PPFIA4: variants seen among roughly 807,000 people sequenced by gnomAD.
PPFIA4 encodes PPFI scaffold protein A4.
PPFIA4 carries 98 observed loss-of-function variants against 145.7 expected under a neutral mutation model. The ratio of observed to expected loss-of-function variants is 0.67; its 90% CI spans 0.57 to 0.80. PPFIA4 has a LOEUF of 0.80. Ranked by LOEUF, PPFIA4 falls within the 30% of genes least tolerant of loss-of-function variation. The pLI is 0.00. For missense variants in PPFIA4, 1,457 were observed against 1,632.7 expected, an observed-to-expected ratio of 0.89 and a Z score of 1.85; for synonymous variants, 628 against 649.6, an observed-to-expected ratio of 0.97 and a Z score of 0.51.
chr1:203,071,695 C>G lies in PPFIA4; in HGVS notation c.3328C>G (p.Arg1110Gly), dbSNP rs1294794323. 1 of 1,611,014 alleles carries G rather than the reference C, an allele frequency of 6.2e-7. No homozygotes were observed. Among genetic ancestry groups the G allele is most frequent in the South Asian group, 1.1e-5 (1 of 90,574 alleles). The part of the protein sequence containing the change: ...LQIPTQNTQA[R>G]QVMEREFNNL... ...TCTCCTGCTCTATGGACTGCAGGCACGCCAAGTGATGGAAAGAGAGTTCAA... is the reference window on the plus strand; with the variant it reads ...TCTCCTGCTCTATGGACTGCAGGCAGGCCAAGTGATGGAAAGAGAGTTCAA... Residue 1110 changes from arginine (R) to glycine (G), a missense_variant, in exon 28 of 30, where the codon CGC becomes GGC. This residue lies in a region of PPFIA4 where 848 missense variants were observed against 1,046.7 expected (regional missense o/e 0.81). Transcript: ENST00000295706.
At chr1:203,049,638 C>G in intron 12 of PPFIA4, 38 bp from the exon 13 acceptor site, 1 of 1,343,536 alleles carries the variant, frequency 7.4e-7, no homozygotes, top group Non-Finnish European at 1.0e-6. Context: ...CCCTCCCTGG[C>G]CCCCACTCCC....
chr1:203,030,785 C>T (rs1658769266), intron 1 of PPFIA4, among the ~76,000 whole-genome samples: 1 of 152,208 alleles, frequency 6.6e-6, no homozygotes, highest in Non-Finnish European at 1.5e-5. Context: ...GCTCTCACAG[C>T]TCCCATGTGC....
chr1:203,046,023 A>C (rs565687829), intron 8 of PPFIA4, 36 bp downstream of exon 8: 1 of 1,611,452 alleles, frequency 6.2e-7, no homozygotes, highest in Non-Finnish European at 8.5e-7. Context: ...TGGGCATTGT[A>C]CTTAGCCCTG....
At chr1:203,041,162 G>GA (rs1486363862) in intron 2 of PPFIA4, among the ~76,000 whole-genome samples, 10 of 152,200 alleles carry the variant, frequency 6.6e-5, no homozygotes, top group Admixed American at 6.5e-4. Flanking sequence ...TTTCCAGGGG[G>GA]AGGGAGTCCA....
chr1:203,075,882 C>T lies in PPFIA4; in HGVS notation c.3574+125C>T. On this transcript the variant is annotated intron_variant, in intron 29 of 29. Transcript: ENST00000295706. This position sits in a 1 kb window ranked among gnomAD's most constrained non-coding sequence, Gnocchi z 4.1. ...GCTGGTGCCCCGCGCTCCTGCGCTGCAGCTGCACTAACGCTCCGCGGGGAG... is the reference window on the plus strand; with the variant it reads ...GCTGGTGCCCCGCGCTCCTGCGCTGTAGCTGCACTAACGCTCCGCGGGGAG... 2 of 984,518 alleles carry T rather than the reference C, an allele frequency of 2.0e-6. No homozygotes were observed. The highest frequency in any genetic ancestry group is 2.8e-6 in the Non-Finnish European group (2 of 723,842). 61.0% of individuals were successfully genotyped at this position (984,518 alleles called of 1,614,324 possible). A position where few individuals can be genotyped will look rare whatever the true frequency, so the allele number is the denominator to read the frequency against.
At chr1:203,072,492 C>CTGTTT (rs1337246716) in intron 28 of PPFIA4, among the ~76,000 whole-genome samples, 3 of 152,214 alleles carry the variant, frequency 2.0e-5, no homozygotes, top group Non-Finnish European at 4.4e-5. Context: ...AAGCATCCTA[C>CTGTTT]TGTTTTGTTT....
intron 4 of PPFIA4, 125 bp from the exon 5 acceptor site, chr1:203,044,254 A>C: frequency 8.6e-7 from 1 of 1,163,972 alleles, no homozygotes; most frequent in South Asian, 1.5e-5. Flanking sequence ...CCCTCCTGCA[A>C]ATGTGCTGCT....
At position 203,056,103 on chromosome 1, in the gene PPFIA4, A is replaced by G. The variant is rs746816990; in HGVS notation, c.2071-17A>G. The G allele has an allele frequency of 3.1e-6, 5 of 1,613,714 alleles. No homozygotes were observed. Among genetic ancestry groups the G allele is most frequent in the Non-Finnish European group, 4.2e-6 (5 of 1,179,820 alleles). ...CCAGAGGGTGAGTCTGAGCTTACCC[A>G]TCCCTCTCTCTTGCAGCCCAGTGAC... On this transcript the variant is annotated splice_polypyrimidine_tract_variant and intron_variant, in intron 16 of 29. Transcript: ENST00000295706.
At chr1:203,070,784 AT>A (rs1201007267) in intron 27 of PPFIA4, among the ~76,000 whole-genome samples, 9 of 152,110 alleles carry the variant, frequency 5.9e-5, no homozygotes, top group African/African-American at 1.7e-4. Flanking sequence ...GTGAAAACTT[AT>A]CAGATATATT....
In PPFIA4 at chr1:203,075,476, TG is replaced by T; in HGVS notation, c.3394-99del. 1.0e-6 allele frequency: 1 copy of T among 974,832 alleles called. No homozygotes were observed. Among genetic ancestry groups the T allele is most frequent in the Non-Finnish European group, 1.4e-6 (1 of 737,334 alleles). The allele number at this position is 974,832 out of a possible 1,614,324, so 60.4% of individuals were successfully genotyped here. ...CTCCCTCTTTCCAAAGGGGTGGGAG[TG>T]GTGCCCCTTGAACCAGCAGCGACTG... is the stretch of plus-strand genomic sequence containing the variant. On this transcript the variant is annotated intron_variant, in intron 28 of 29. Transcript: ENST00000295706. The surrounding 1 kb of genome is among the most constrained non-coding windows in gnomAD (Gnocchi z 4.1).
chr1:203,050,510 TAGATC>T (rs1327146018), intron 13 of PPFIA4, among the ~76,000 whole-genome samples: 1 of 152,170 alleles, frequency 6.6e-6, no homozygotes, highest in Admixed American at 6.5e-5. Context: ...CAAAGTCTCT[TAGATC>T]AGAACCCTTG....
Position 203,048,407 on chromosome 1 carries a change from G to A in PPFIA4, c.1224+97G>A. Reference sequence around the variant, plus strand: ...GGGGCACGGAGGAAGGGCCTGGCCAGGGACACAGCCACAGAGAGTGGGAGG... The same window carrying A: ...GGGGCACGGAGGAAGGGCCTGGCCAAGGACACAGCCACAGAGAGTGGGAGG... On this transcript the variant is annotated intron_variant, in intron 10 of 29. Transcript: ENST00000295706. This position sits in a 1 kb window ranked among gnomAD's most constrained non-coding sequence, Gnocchi z 5.8. The A allele has an allele frequency of 6.7e-6, 10 of 1,495,780 alleles. No individual in the cohort carries two copies. Among genetic ancestry groups the A allele is most frequent in the Non-Finnish European group, 8.2e-6 (9 of 1,095,682 alleles). 92.7% of individuals were successfully genotyped at this position (1,495,780 alleles called of 1,614,324 possible).
intron 15 of PPFIA4, chr1:203,054,204 A>G: frequency 1.5e-6 from 1 of 674,798 alleles, no homozygotes; most frequent in Non-Finnish European, 2.7e-6. Flanking sequence ...GCTCAGGAGG[A>G]TGCATGCTGT....
chr1:203,053,062 C>T (rs1306516432), intron 14 of PPFIA4, among the ~76,000 whole-genome samples: 1 of 152,220 alleles, frequency 6.6e-6, no homozygotes, highest in Non-Finnish European at 1.5e-5. Flanking sequence ...GAGGTAAGTA[C>T]TTTACCATCC....
intron 24 of PPFIA4, chr1:203,063,034 A>T (rs147910499): frequency 4.7e-4 from 72 of 152,398 alleles, no homozygotes; most frequent in African/African-American, 1.6e-3. Flanking sequence ...TATATGTATC[A>T]GCTATTACAT....
chr1:203,028,251 A>C (rs1318378134), intron 1 of PPFIA4, among the ~76,000 whole-genome samples: 1 of 152,138 alleles, frequency 6.6e-6, no homozygotes, highest in Admixed American at 6.5e-5. Flanking sequence ...CGTGTGGTGC[A>C]TGAGGTCTGG....
intron 1 of PPFIA4, chr1:203,035,730 CAGA>C: frequency 2.2e-6 from 1 of 448,592 alleles, no homozygotes; most frequent in East Asian, 7.0e-5. Context: ...GCCCTGGAGC[CAGA>C]AGGAGCTGGA....
At chr1:203,051,441 A>T in intron 13 of PPFIA4, 1 of 698,764 alleles carries the variant, frequency 1.4e-6, no homozygotes, top group Non-Finnish European at 1.9e-6. Context: ...CTCTGCTCGA[A>T]TACCTCTTTG....
At position 203,076,716 on chromosome 1, in the gene PPFIA4, C is replaced by A; in HGVS notation, c.*326C>A. ...GCCACCCTTCCTCTTCTGGACCCAG[C>A]CTGGTCTGCACTGCAACCTCCACCA... is the stretch of plus-strand genomic sequence containing the variant. On this transcript the variant is annotated 3_prime_UTR_variant, in exon 30 of 30. Transcript: ENST00000295706. The A allele has an allele frequency of 2.4e-6, 1 of 412,204 alleles. No homozygotes were observed. Among genetic ancestry groups the A allele is most frequent in the Non-Finnish European group, 4.5e-6 (1 of 223,316 alleles). The allele number at this position is 412,204 out of a possible 1,614,324, so 25.5% of individuals were successfully genotyped here. A position where few individuals can be genotyped will look rare whatever the true frequency, so the allele number is the denominator to read the frequency against.
Sources: gnomAD v4.1 joint callset for allele counts (sites outside exome capture counted in the v4.1 genomes callset) on GRCh38, gnomAD v4.1.1 for gene constraint, gnomAD v4.1.1 regional missense constraint, Gnocchi (gnomAD v3.1) non-coding constraint, MANE v1.5 for transcripts, NCBI Gene and HGNC (gene_info 2026-07-23, HGNC 2026-07-21) for gene names.